GAB4: variants seen among roughly 807,000 people sequenced by gnomAD.
GAB4 encodes GRB2 associated binding protein family member 4.
GAB4 carries 26 observed loss-of-function variants against 51.3 expected under a neutral mutation model. The ratio of observed to expected loss-of-function variants is 0.51; its 90% confidence interval spans 0.37 to 0.70. The LOEUF is 0.70. Ranked by LOEUF, GAB4 falls within the 30% of genes least tolerant of loss-of-function variation. The probability of loss-of-function intolerance (pLI) is 0.00; values close to 1 mark genes in which losing one functional copy is unlikely to be tolerated. For missense variants in GAB4, 759 were observed against 734.6 expected, an observed-to-expected ratio of 1.03 and a Z score of -0.38; for synonymous variants, 329 against 291.2, an observed-to-expected ratio of 1.13 and a Z score of -1.32.
Position 16,970,054 on chromosome 22 carries a change from G to A in GAB4, c.826C>T (p.Pro276Ser). Residue 276 changes from proline to serine, a missense_variant, in exon 4 of 10, where the codon CCC becomes TCC. Pro to Ser is a moderately conservative substitution (Grantham distance 74). Around this residue, in one of 3 missense-constraint regions of GAB4, gnomAD observed 588 missense variants for 510.2 expected, o/e 1.15. Transcript: ENST00000400588. The stretch of plus-strand genomic sequence containing the variant: ...CTGAATTCTGCATTGTGCTGGCTGG[G>A]CTTGGAAAGGCTATGGAAGCCATGG... Reference protein sequence around the residue: ...HIHGFHSLSKPSQHNAEFRGS... With the variant: ...HIHGFHSLSKSSQHNAEFRGS... 1 of 1,614,190 alleles carries A rather than the reference G, an allele frequency of 6.2e-7. No homozygotes were observed. Among genetic ancestry groups the A allele is most frequent in the South Asian group, 1.1e-5 (1 of 91,086 alleles).
At position 16,982,909 on chromosome 22, in the gene GAB4, C is replaced by T. The variant is rs1416288802; in HGVS notation, c.686+5051G>A. On this transcript the variant is annotated intron_variant, in intron 3 of 9. Transcript: ENST00000400588. ...GCCAAAGGGTGGAAGGCTGCCCTGC[C>T]GCACCATAATCTAAGCCCAGGGCAT... Among the ~76,000 whole-genome samples, 5 of 152,082 alleles carry T rather than the reference C, an allele frequency of 3.3e-5. No homozygotes were observed. The East Asian group carries it at 5.8e-4, about 18-fold the overall frequency.
Position 16,994,518 on chromosome 22 carries a change from C to T in GAB4, c.175-2342G>A, listed in dbSNP as rs552373569. On this transcript the variant is annotated intron_variant, in intron 1 of 9. Transcript: ENST00000400588. ...GAGCATAGCAGGTGTACTGTTACTACTCTAGCTGGTGTTTACTCTCATATA... is the reference window on the plus strand; with the variant it reads ...GAGCATAGCAGGTGTACTGTTACTATTCTAGCTGGTGTTTACTCTCATATA... Among the ~76,000 whole-genome samples the T allele has an allele frequency of 4.6e-5, 7 of 152,310 alleles. No homozygotes were observed. The East Asian group carries it at 1.4e-3, about 29-fold the overall frequency.
intron 1 of GAB4, among the ~76,000 whole-genome samples, chr22:16,998,391 T>C (rs553826925): frequency 3.3e-5 from 5 of 152,208 alleles, no homozygotes; most frequent in Non-Finnish European, 7.4e-5. Context: ...CTAGGTATTT[T>C]ATTCTCTTTG....
chr22:16,985,501 C>A (rs1243774828), intron 3 of GAB4, among the ~76,000 whole-genome samples: 2 of 152,202 alleles, frequency 1.3e-5, no homozygotes, highest in Non-Finnish European at 1.5e-5. Flanking sequence ...TTTCTAATGT[C>A]TCAGTTTCTA....
chr22:16,977,451 G>T (rs892940119), intron 3 of GAB4, among the ~76,000 whole-genome samples: 2 of 151,934 alleles, frequency 1.3e-5, no homozygotes, highest in African/African-American at 4.8e-5. Context: ...AATGGTAAAG[G>T]GATTAATTCA....
chr22:16,978,466 C>A (rs574962883), intron 3 of GAB4, among the ~76,000 whole-genome samples: 36 of 152,280 alleles, frequency 2.4e-4, no homozygotes, highest in African/African-American at 8.2e-4. Flanking sequence ...CATACACCCT[C>A]CCAAGACTAA....
Position 16,964,750 on chromosome 22 carries a change from A to C in GAB4, c.1476+16T>G. The C allele has an allele frequency of 6.4e-7, 1 of 1,570,002 alleles. No homozygotes were observed. The highest frequency in any genetic ancestry group is 1.1e-5 in the South Asian group (1 of 89,838). ...GGACTCTGATAGGAGCCTTACAGTG[A>C]CCCCCAAGGACTCACCGGGAAAAGA... On this transcript the variant is annotated intron_variant, in intron 8 of 9. Coordinates refer to ENST00000400588, the MANE Select transcript of GAB4 (RefSeq NM_001037814.1).
intron 3 of GAB4, among the ~76,000 whole-genome samples, chr22:16,978,328 A>G (rs1250917851): frequency 6.6e-6 from 1 of 152,216 alleles, no homozygotes; most frequent in Non-Finnish European, 1.5e-5. Flanking sequence ...AAATAGACAC[A>G]ATAAAAAACG....
chr22:16,972,826 A>G (rs1175720162), intron 3 of GAB4, among the ~76,000 whole-genome samples: 2 of 151,960 alleles, frequency 1.3e-5, no homozygotes, highest in Non-Finnish European at 2.9e-5. Context: ...CCATCCTGCT[A>G]TTACCTTCCT....
chr22:16,966,761 G>A, intron 5 of GAB4: 1 of 188,308 alleles, frequency 5.3e-6, no homozygotes. Context: ...ATGCCTGGAT[G>A]GTCCATTTAA....
intron 3 of GAB4, among the ~76,000 whole-genome samples, chr22:16,985,039 C>T (rs1199593338): frequency 2.0e-5 from 3 of 152,222 alleles, no homozygotes; most frequent in Admixed American, 2.0e-4. Context: ...CTTTCATTTA[C>T]CTCCCAGGGT....
At chr22:16,986,381 TTC>T (rs2060868036) in intron 3 of GAB4, among the ~76,000 whole-genome samples, 1 of 152,192 alleles carries the variant, frequency 6.6e-6, no homozygotes, top group Non-Finnish European at 1.5e-5. Context: ...AAGACCTCAG[TTC>T]TCTCTGTCCA....
chr22:16,990,026 T>C (rs180777051), intron 2 of GAB4, among the ~76,000 whole-genome samples: 81 of 152,232 alleles, frequency 5.3e-4, no homozygotes, highest in African/African-American at 1.7e-3. Context: ...TCCCTCTCGG[T>C]GAGGCACATC....
intron 3 of GAB4, among the ~76,000 whole-genome samples, chr22:16,984,842 T>C (rs1406400818): frequency 2.0e-5 from 3 of 152,204 alleles, no homozygotes; most frequent in Admixed American, 1.3e-4. Context: ...TAGAATCCTT[T>C]CCAGCTCCAT....
At chr22:16,969,604 C>T in intron 4 of GAB4, 1 of 591,668 alleles carries the variant, frequency 1.7e-6, no homozygotes, top group Non-Finnish European at 3.0e-6. Flanking sequence ...AGTGAGGGCT[C>T]ATACTGACCT....
rs561388841 is a variant in GAB4, at chr22:16,962,585, G to A, written c.*148C>T. The A allele has an allele frequency of 4.8e-6, 3 of 624,792 alleles. No individual in the cohort carries two copies. The highest frequency in any genetic ancestry group is 3.3e-5 in the East Asian group (1 of 30,524). 38.7% of individuals were successfully genotyped at this position (624,792 alleles called of 1,614,324 possible). On this transcript the variant is annotated 3_prime_UTR_variant, in exon 10 of 10. Transcript: ENST00000400588. The stretch of plus-strand genomic sequence containing the variant: ...GGACCATGGCCAGCCAAAGGCACAG[G>A]TGGGCCCCAAGCAGGCAAAGGATGT...
intron 5 of GAB4, among the ~76,000 whole-genome samples, chr22:16,967,708 T>C (rs1216630199): frequency 6.6e-6 from 1 of 152,196 alleles, no homozygotes; most frequent in African/African-American, 2.4e-5. Context: ...CCCTCTGCCT[T>C]GGTTACCTAA....
At chr22:17,003,373 A>G (rs1569113456) in intron 1 of GAB4, among the ~76,000 whole-genome samples, 1 of 152,242 alleles carries the variant, frequency 6.6e-6, no homozygotes, top group Non-Finnish European at 1.5e-5. Context: ...TCAACAGAAT[A>G]TACATTCTTC....
At chr22:16,970,298 A>T in intron 3 of GAB4, 105 bp from the exon 4 acceptor site, 1 of 1,275,544 alleles carries the variant, frequency 7.8e-7, no homozygotes, top group South Asian at 1.4e-5. Context: ...GATGATATGG[A>T]GAAAACACAG....
Sources: gnomAD v4.1 joint callset for allele counts (sites outside exome capture counted in the v4.1 genomes callset) on GRCh38, gnomAD v4.1.1 for gene constraint, gnomAD v4.1.1 regional missense constraint, MANE v1.5 for transcripts, NCBI Gene and HGNC (gene_info 2026-07-23, HGNC 2026-07-21) for gene names.